Variants in FSHR observed in about 807,000 individuals in gnomAD.
FSHR encodes follicle-stimulating hormone receptor.
Under a neutral mutation model 52.1 loss-of-function variants are expected in FSHR, and 46 were observed. The observed-to-expected ratio is 0.88, with a 90% confidence interval of 0.70 to 1.13. The LOEUF is 1.13. Ranked by LOEUF, FSHR falls within the 50% of genes most tolerant of loss-of-function variation. The probability of loss-of-function intolerance (pLI) is 0.00; values close to 1 mark genes in which losing one functional copy is unlikely to be tolerated. For synonymous variants in FSHR, 399 were observed against 309.6 expected, an observed-to-expected ratio of 1.29 and a Z score of -3.03; for missense variants, 964 against 834.6, an observed-to-expected ratio of 1.16 and a Z score of -1.91.
chr2:49,122,772 T>C (rs960981794), intron 1 of FSHR, among the ~76,000 whole-genome samples: 1 of 152,230 alleles, frequency 6.6e-6, no homozygotes. Context: ...TGAAGAGGGC[T>C]GGCTCACTTC....
At chr2:49,082,716 G>A (rs199557794) in intron 1 of FSHR, among the ~76,000 whole-genome samples, 7,822 of 152,218 alleles carry the variant, frequency 0.051, 464 homozygotes, top group East Asian at 0.22. Context: ...CTCAGGAGCC[G>A]ATGCGATCAA....
chr2:49,140,966 C>CAACCTGCTGAGAGTCAGTTACTT (rs1021338258), intron 1 of FSHR, among the ~76,000 whole-genome samples: 2 of 152,166 alleles, frequency 1.3e-5, no homozygotes, highest in Non-Finnish European at 2.9e-5. Context: ...ATCAGCTACT[C>CAACCTGCTGAGAGTCAGTTACTT]AACCTGCTGA....
chr2:49,084,619 G>C (rs79185653), intron 1 of FSHR, among the ~76,000 whole-genome samples: 25,816 of 152,120 alleles, frequency 0.17, 2,755 homozygotes, highest in East Asian at 0.28. Flanking sequence ...AAGAAAAAAA[G>C]AGAGAAGAAT....
intron 1 of FSHR, among the ~76,000 whole-genome samples, chr2:49,116,862 C>G (rs542584146): frequency 1.8e-4 from 28 of 152,244 alleles, no homozygotes; most frequent in African/African-American, 6.7e-4. Context: ...GCTTTGTTGG[C>G]TCAATTAGAA....
rs1558457105 is a variant in FSHR, at chr2:49,127,898, C to CTTCTTCTTCTTCTTCTTCTTCTTT, written c.152+26367_152+26368insAAAGAAGAAGAAGAAGAAGAAGAA. Among the ~76,000 whole-genome samples the CTTCTTCTTCTTCTTCTTCTTCTTT allele has an allele frequency of 6.6e-4, 18 of 27,238 alleles. 4 individuals are homozygous for CTTCTTCTTCTTCTTCTTCTTCTTT. Among genetic ancestry groups the CTTCTTCTTCTTCTTCTTCTTCTTT allele is most frequent in the Admixed American group, 1.3e-3 (3 of 2,286 alleles). The allele number at this position is 27,238 out of a possible 152,430, so 17.9% of individuals were successfully genotyped here. On this transcript the variant is annotated intron_variant, in intron 1 of 9. Transcript: ENST00000406846. ...TCTTCTTCTTCTTCTTCTTCTTCTTCTTTTTTTTTTTTGAGACGGAGTCTT... is the reference window on the plus strand; with the variant it reads ...TCTTCTTCTTCTTCTTCTTCTTCTTCTTCTTCTTCTTCTTCTTCTTCTTTTTTTTTTTTTTTGAGACGGAGTCTT...
intron 1 of FSHR, among the ~76,000 whole-genome samples, chr2:49,122,026 A>G (rs1671833670): frequency 6.6e-6 from 1 of 152,200 alleles, no homozygotes; most frequent in Non-Finnish European, 1.5e-5. Context: ...GCATGCCACT[A>G]CAAATTGCTC....
At chr2:49,147,041 A>G (rs879384416) in intron 1 of FSHR, among the ~76,000 whole-genome samples, 1 of 152,108 alleles carries the variant, frequency 6.6e-6, no homozygotes, top group Admixed American at 6.6e-5. Context: ...TCAAGTGCAT[A>G]GCACGTGTTT....
intron 1 of FSHR, among the ~76,000 whole-genome samples, chr2:49,105,998 T>C (rs1290714915): frequency 2.0e-5 from 3 of 152,130 alleles, no homozygotes; most frequent in Non-Finnish European, 4.4e-5. Flanking sequence ...ATCTCAGTTT[T>C]CTCCTCTGTA....
chr2:49,020,887 A>G (rs999398664), intron 2 of FSHR, among the ~76,000 whole-genome samples: 7 of 152,182 alleles, frequency 4.6e-5, no homozygotes, highest in African/African-American at 1.7e-4. Context: ...GAGCTAAACA[A>G]TGAGAACACA....
At chr2:49,042,709 G>C (rs17038117) in intron 2 of FSHR, among the ~76,000 whole-genome samples, 3,464 of 152,278 alleles carry the variant, frequency 0.023, 87 homozygotes, top group African/African-American at 0.054. Context: ...CAGCTCTAAA[G>C]AGCCAAATGT....
chr2:48,994,013 C>A (rs1219773467), intron 4 of FSHR, among the ~76,000 whole-genome samples: 1 of 152,194 alleles, frequency 6.6e-6, no homozygotes, highest in African/African-American at 2.4e-5. Context: ...CCAATGTCTG[C>A]CTCTTCAACC....
rs11684652 is a variant in FSHR, at chr2:49,128,639, C to T, written c.152+25627G>A. ...CTGTCTTCTGTTTGACTTCTACCTT[C>T]TTAAGCAGGGAGAATTGTCCAGGAA... On this transcript the variant is annotated intron_variant, in intron 1 of 9. Coordinates refer to ENST00000406846, the MANE Select transcript of FSHR (RefSeq NM_000145.4). Among the ~76,000 whole-genome samples, 12 of 151,848 alleles carry T rather than the reference C, an allele frequency of 7.9e-5. No homozygotes were observed. In the South Asian group the frequency reaches 1.5e-3, roughly 18 times the overall value.
intron 1 of FSHR, among the ~76,000 whole-genome samples, chr2:49,138,947 T>A (rs947869008): frequency 6.6e-6 from 1 of 152,058 alleles, no homozygotes; most frequent in Non-Finnish European, 1.5e-5. Context: ...GTGTGGGGTA[T>A]GAGATAAAGG....
chr2:49,053,728 G>C lies in FSHR; in HGVS notation c.224+14491C>G, dbSNP rs1211032811. ...AACAGTCCTTTCCCTGTTGACTTCT[G>C]ATAGAAGTAGAGGAGGCTGGGTTAA... On this transcript the variant is annotated intron_variant, in intron 2 of 9. Coordinates refer to ENST00000406846, the MANE Select transcript of FSHR (RefSeq NM_000145.4). 2.0e-5 allele frequency among the ~76,000 whole-genome samples: 3 copies of C among 152,182 alleles called. No homozygotes were observed. The South Asian group carries it at 6.2e-4, about 31-fold the overall frequency.
chr2:49,152,696 T>C lies in FSHR; in HGVS notation c.152+1570A>G, dbSNP rs187947730. ...ACTGGATGACACTGCTTGACCCACA[T>C]GGAAACATTGGAAAAAGTGGAGTAG... On this transcript the variant is annotated intron_variant, in intron 1 of 9. Transcript: ENST00000406846. Among the ~76,000 whole-genome samples the C allele has an allele frequency of 1.5e-3, 225 of 152,228 alleles. 1 individual carries two copies. Among genetic ancestry groups the C allele is most frequent in the Admixed American group, 3.5e-3 (54 of 15,276 alleles).
intron 2 of FSHR, among the ~76,000 whole-genome samples, chr2:49,036,475 C>T (rs186736027): frequency 4.0e-4 from 60 of 148,886 alleles, no homozygotes; most frequent in Non-Finnish European, 6.2e-4. Context: ...TATATCTTAC[C>T]TATTTCTCTA....
At chr2:49,092,650 C>T (rs1479402657) in intron 1 of FSHR, among the ~76,000 whole-genome samples, 1 of 151,710 alleles carries the variant, frequency 6.6e-6, no homozygotes, top group East Asian at 1.9e-4. Flanking sequence ...TTTTGAATTT[C>T]TTTATTTTAT....
chr2:49,139,476 C>T (rs1214467671), intron 1 of FSHR, among the ~76,000 whole-genome samples: 1 of 152,044 alleles, frequency 6.6e-6, no homozygotes, highest in Non-Finnish European at 1.5e-5. Flanking sequence ...CCAAGCTGAC[C>T]ATGGAAGACC....
intron 1 of FSHR, among the ~76,000 whole-genome samples, chr2:49,077,081 A>G (rs1358647190): frequency 6.6e-6 from 1 of 152,200 alleles, no homozygotes; most frequent in East Asian, 1.9e-4. Flanking sequence ...GCAGTGCTCC[A>G]GTAAGGACTC....
Sources: gnomAD v4.1 joint callset for allele counts (sites outside exome capture counted in the v4.1 genomes callset) on GRCh38, gnomAD v4.1.1 for gene constraint, MANE v1.5 for transcripts, NCBI Gene and HGNC (gene_info 2026-07-23, HGNC 2026-07-21) for gene names.